The following LDLRAP1 variants were observed in gnomAD, a reference collection of about 807,000 sequenced individuals.
The protein encoded by LDLRAP1 is low density lipoprotein receptor adapter protein 1.
In LDLRAP1, 30 loss-of-function variants were observed where a neutral mutation model predicts 37.8. That is an observed-to-expected ratio of 0.79 (90% CI 0.59 to 1.08). LDLRAP1 has a LOEUF of 1.08. Among genes scored for constraint, LDLRAP1 ranks in the 50% least tolerant of loss-of-function variants. The pLI is 0.00. For synonymous variants in LDLRAP1, 156 were observed against 169.8 expected (o/e 0.92, Z 0.63); for missense variants, 375 against 401.6 (o/e 0.93, Z 0.57).
At chr1:25,566,062 G>A (rs565084076) in intron 8 of LDLRAP1, among the ~76,000 whole-genome samples, 3 of 152,288 alleles carry the variant, frequency 2.0e-5, no homozygotes, top group Admixed American at 6.5e-5. Flanking sequence ...ACTGGCTGAC[G>A]ACACCTGCCC....
the LDLRAP1 span, among the ~76,000 whole-genome samples, chr1:25,588,524 T>A: frequency 2.6e-5 from 4 of 152,356 alleles, no homozygotes; most frequent in East Asian, 7.7e-4. Flanking sequence ...CACTTAATTC[T>A]TAACCTTGTT....
intron 1 of LDLRAP1, among the ~76,000 whole-genome samples, chr1:25,545,231 G>T (rs139755191): frequency 4.4e-4 from 67 of 152,316 alleles, no homozygotes; most frequent in Admixed American, 1.6e-3. Context: ...AGGGAGGGAG[G>T]GTGGTGGGGC....
At chr1:25,566,566 C>T (rs974925062) in intron 8 of LDLRAP1, among the ~76,000 whole-genome samples, 2 of 152,116 alleles carry the variant, frequency 1.3e-5, no homozygotes, top group East Asian at 1.9e-4. Context: ...TTACCAGCCC[C>T]TTCTCCTCTT....
chr1:25,566,520 T>A (rs2044483870), intron 8 of LDLRAP1, among the ~76,000 whole-genome samples: 1 of 152,138 alleles, frequency 6.6e-6, no homozygotes, highest in African/African-American at 2.4e-5. Flanking sequence ...CTCCCACAGC[T>A]TGTTCCCCAC....
intron 3 of LDLRAP1, among the ~76,000 whole-genome samples, chr1:25,556,263 C>A (rs982196527): frequency 1.3e-5 from 2 of 152,120 alleles, no homozygotes; most frequent in African/African-American, 4.8e-5. Context: ...CCGATTGAGA[C>A]TCTGAGGCTG....
downstream of LDLRAP1, among the ~76,000 whole-genome samples, chr1:25,569,502 T>C (rs2044572883): frequency 6.6e-6 from 1 of 152,158 alleles, no homozygotes; most frequent in Admixed American, 6.5e-5. Flanking sequence ...TCTTGAGCCT[T>C]GATTTTCCCG....
chr1:25,551,369 A>C (rs975017617), intron 1 of LDLRAP1, among the ~76,000 whole-genome samples: 1 of 152,220 alleles, frequency 6.6e-6, no homozygotes, highest in East Asian at 1.9e-4. Flanking sequence ...TTGCTGCATG[A>C]TAAAGTAGTA....
downstream of LDLRAP1, among the ~76,000 whole-genome samples, chr1:25,569,688 A>G (rs2044576074): frequency 6.6e-6 from 1 of 152,222 alleles, no homozygotes; most frequent in Non-Finnish European, 1.5e-5. Flanking sequence ...GTTAGCAACC[A>G]GTGTTAACTG....
chr1:25,553,776 A>C, intron 1 of LDLRAP1, 146 bp from the exon 2 acceptor site: 1 of 942,326 alleles, frequency 1.1e-6, no homozygotes, highest in Non-Finnish European at 1.5e-6. Flanking sequence ...GTCTCAAAAA[A>C]AAAAAAAAAA....
At position 25,567,156 on chromosome 1, in the gene LDLRAP1, C is replaced by T; in HGVS notation, c.*164C>T. 1 of 794,812 alleles carries T rather than the reference C, an allele frequency of 1.3e-6. No individual in the cohort carries two copies. The highest frequency in any genetic ancestry group is 2.1e-6 in the Non-Finnish European group (1 of 483,468). 49.2% of individuals were successfully genotyped at this position (794,812 alleles called of 1,614,324 possible). A position where few individuals can be genotyped will look rare whatever the true frequency, so the allele number is the denominator to read the frequency against. On this transcript the variant is annotated 3_prime_UTR_variant, in exon 9 of 9. Transcript: ENST00000374338. Reference sequence around the variant, plus strand: ...CCAGTCAGGCAGGGGAGAGATTTTTCTTTTAAGCCCTGCTCTTTCTCTGAG... The same window carrying T: ...CCAGTCAGGCAGGGGAGAGATTTTTTTTTTAAGCCCTGCTCTTTCTCTGAG...
intron 1 of LDLRAP1, among the ~76,000 whole-genome samples, chr1:25,552,927 G>A (rs945943897): frequency 1.3e-5 from 2 of 152,186 alleles, no homozygotes; most frequent in Non-Finnish European, 2.9e-5. Context: ...CCAGAGAGGG[G>A]GGAATGTTAG....
chr1:25,578,805 A>C, the LDLRAP1 span, among the ~76,000 whole-genome samples: 2 of 152,220 alleles, frequency 1.3e-5, no homozygotes, highest in African/African-American at 4.8e-5. Context: ...GGTGTGAGCC[A>C]CTGTGCCTGG....
At chr1:25,576,866 G>A in the LDLRAP1 span, among the ~76,000 whole-genome samples, 2 of 152,380 alleles carry the variant, frequency 1.3e-5, no homozygotes, top group South Asian at 4.1e-4. Flanking sequence ...TCCTGATGTG[G>A]AGGTGGCAGC....
chr1:25,548,022 C>T (rs1473133584), intron 1 of LDLRAP1, among the ~76,000 whole-genome samples: 1 of 152,214 alleles, frequency 6.6e-6, no homozygotes, highest in Non-Finnish European at 1.5e-5. Context: ...AGCAGCCCTG[C>T]AGGGCTCTGC....
rs2043877145 is a variant in LDLRAP1 at position 25,544,270 on chromosome 1, G to T, written c.88+484G>T. 6.6e-6 allele frequency among the ~76,000 whole-genome samples: 1 copy of T among 152,118 alleles called. No homozygotes were observed. The highest frequency in any genetic ancestry group is 1.5e-5 in the Non-Finnish European group (1 of 67,988). ...CCACTGGCCCGTTCTCCCGCCCCCT[G>T]CCCGACCCACCGGGCCAACTTTTGA... is the stretch of plus-strand genomic sequence containing the variant. On this transcript the variant is annotated intron_variant, in intron 1 of 8. Transcript: ENST00000374338. This position sits in a 1 kb window ranked among gnomAD's most constrained non-coding sequence, Gnocchi z 4.8.
At chr1:25,580,021 G>T in the LDLRAP1 span, among the ~76,000 whole-genome samples, 1 of 152,198 alleles carries the variant, frequency 6.6e-6, no homozygotes, top group South Asian at 2.1e-4. Flanking sequence ...TTATTGGAAA[G>T]ACACCAAGGA....
intron 1 of LDLRAP1, among the ~76,000 whole-genome samples, chr1:25,550,999 G>A (rs1258957803): frequency 1.3e-5 from 2 of 152,192 alleles, no homozygotes; most frequent in African/African-American, 4.8e-5. Flanking sequence ...GGAGAATGGG[G>A]ACATGAAAAT....
the LDLRAP1 span, among the ~76,000 whole-genome samples, chr1:25,579,979 A>T: frequency 6.6e-6 from 1 of 152,182 alleles, no homozygotes; most frequent in Admixed American, 6.6e-5. Context: ...AACAATGGAA[A>T]CTGACCCTCG....
the LDLRAP1 span, among the ~76,000 whole-genome samples, chr1:25,577,276 G>A: frequency 6.6e-6 from 1 of 152,224 alleles, no homozygotes. Context: ...TGCTGAGTGT[G>A]AGGAGCAGAC....
Sources: allele counts gnomAD v4.1 joint callset (sites outside exome capture counted in the v4.1 genomes callset), GRCh38; gene constraint gnomAD v4.1.1; non-coding constraint Gnocchi (gnomAD v3.1); transcripts MANE v1.5; gene names NCBI Gene and HGNC (gene_info 2026-07-23, HGNC 2026-07-21).